Variants in CACNA2D2 observed in about 807,000 individuals in gnomAD.
The protein encoded by CACNA2D2 is voltage-dependent calcium channel subunit alpha-2/delta-2.
CACNA2D2 carries 48 observed loss-of-function variants against 166.4 expected under a neutral mutation model. The ratio of observed to expected loss-of-function variants is 0.29; its 90% CI spans 0.23 to 0.37. The LOEUF is 0.37. CACNA2D2 is among the 10% of genes least tolerant of loss of function. The probability of loss-of-function intolerance (pLI) is 1.00; values close to 1 mark genes in which losing one functional copy is unlikely to be tolerated. For synonymous variants in CACNA2D2, 561 were observed against 573.7 expected (o/e 0.98, Z 0.32); for missense variants, 1,122 against 1,433.0 (o/e 0.78, Z 3.50).
In CACNA2D2 at chr3:50,394,179, G is replaced by A. The variant is rs1475702338; in HGVS notation, c.406-11C>T. 6.2e-7 allele frequency: 1 copy of A among 1,613,490 alleles called. No individual in the cohort carries two copies. Among genetic ancestry groups the A allele is most frequent in the East Asian group, 2.2e-5 (1 of 44,878 alleles). On this transcript the variant is annotated splice_polypyrimidine_tract_variant and intron_variant, in intron 3 of 37. Coordinates refer to ENST00000424201, the MANE Select transcript of CACNA2D2 (RefSeq NM_006030.4). Reference sequence around the variant, plus strand: ...AGCATCAGCCAGTCTCTGAGGGACAGAGCACAGGGAGGTCAGAAGCGGAGG... The same window carrying A: ...AGCATCAGCCAGTCTCTGAGGGACAAAGCACAGGGAGGTCAGAAGCGGAGG...
Position 50,378,027 on chromosome 3 carries a change from T to C in CACNA2D2, c.1460A>G (p.Asn487Ser), listed in dbSNP as rs757932137. Residue 487 changes from asparagine (N) to serine (S), a missense_variant, in exon 15 of 38, where the codon AAC becomes AGC. Coordinates refer to ENST00000424201, the MANE Select transcript of CACNA2D2 (RefSeq NM_006030.4). ...GKEAKQVQWT[N>S]VYEDALGLGL... is the part of the protein sequence containing the mutation. ...CCTTACCAGTGCATCCTCATACACG[T>C]TGGTCCACTGCACCTGCTTGGCCTC... The C allele has an allele frequency of 6.2e-6, 10 of 1,613,694 alleles. No homozygotes were observed. Among genetic ancestry groups the C allele is most frequent in the East Asian group, 2.2e-5 (1 of 44,888 alleles).
At chr3:50,434,008 G>C (rs1559943448) in intron 3 of CACNA2D2, among the ~76,000 whole-genome samples, 2 of 152,202 alleles carry the variant, frequency 1.3e-5, no homozygotes, top group South Asian at 2.1e-4. Context: ...TGGGGACCCA[G>C]AGGGATGGGA....
chr3:50,472,857 C>T (rs994076621), intron 2 of CACNA2D2, among the ~76,000 whole-genome samples: 4 of 152,176 alleles, frequency 2.6e-5, no homozygotes, highest in African/African-American at 4.8e-5. Flanking sequence ...CAAGCATATG[C>T]ACTCTATTCT....
rs375406718 is a variant in CACNA2D2, at chr3:50,375,752, C to T, written c.1846-47G>A. 1.4e-5 allele frequency: 22 copies of T among 1,612,616 alleles called. 1 individual carries two copies. The highest frequency in any genetic ancestry group is 9.9e-5 in the South Asian group (9 of 91,084). Reference sequence around the variant, plus strand: ...GGTACTTGGGCTAGCAGGCAGGGGGCGCTGGGGTAGAAGGGTGCCCACCCT... The same window carrying T: ...GGTACTTGGGCTAGCAGGCAGGGGGTGCTGGGGTAGAAGGGTGCCCACCCT... On this transcript the variant is annotated intron_variant, in intron 20 of 37. Coordinates refer to ENST00000424201, the MANE Select transcript of CACNA2D2 (RefSeq NM_006030.4). This position sits in a 1 kb window ranked among gnomAD's most constrained non-coding sequence, Gnocchi z 4.0.
chr3:50,456,262 G>C (rs1165209387), intron 2 of CACNA2D2, among the ~76,000 whole-genome samples: 1 of 152,222 alleles, frequency 6.6e-6, no homozygotes, highest in African/African-American at 2.4e-5. Context: ...CCTAGCCTGA[G>C]TTCTGGTTGG....
At chr3:50,401,301 G>C (rs1400141888) in intron 3 of CACNA2D2, among the ~76,000 whole-genome samples, 1 of 152,100 alleles carries the variant, frequency 6.6e-6, no homozygotes, top group Non-Finnish European at 1.5e-5. Context: ...CATGTAACAG[G>C]GAAAAACTCA....
intron 2 of CACNA2D2, among the ~76,000 whole-genome samples, chr3:50,467,510 T>C (rs1335546767): frequency 6.6e-6 from 1 of 152,144 alleles, no homozygotes; most frequent in Non-Finnish European, 1.5e-5. Flanking sequence ...GGGCACCTCC[T>C]CCATGTCAGC....
At chr3:50,387,947 G>C (rs777339418) in intron 4 of CACNA2D2, among the ~76,000 whole-genome samples, 1 of 152,232 alleles carries the variant, frequency 6.6e-6, no homozygotes, top group South Asian at 2.1e-4. Flanking sequence ...ACCAGGGAGT[G>C]AGGAAGACGG....
intron 3 of CACNA2D2, among the ~76,000 whole-genome samples, chr3:50,411,084 C>G (rs2236962): frequency 0.15 from 22,535 of 152,134 alleles, 2,413 homozygotes; most frequent in East Asian, 0.41. Flanking sequence ...TGGGGTGGCT[C>G]ACTGGGCTGT....
intron 1 of CACNA2D2, among the ~76,000 whole-genome samples, chr3:50,499,285 G>A (rs192451204): frequency 6.6e-6 from 1 of 152,304 alleles, no homozygotes; most frequent in East Asian, 1.9e-4. Flanking sequence ...GAGCAAAGTA[G>A]AGAGACAGGC....
At chr3:50,493,852 C>T (rs1429030148) in intron 1 of CACNA2D2, among the ~76,000 whole-genome samples, 1 of 152,176 alleles carries the variant, frequency 6.6e-6, no homozygotes, top group East Asian at 1.9e-4. Flanking sequence ...TGCCCCAGGG[C>T]CCTGGGCGAA....
intron 3 of CACNA2D2, among the ~76,000 whole-genome samples, chr3:50,412,653 C>CAGCT (rs1201416277): frequency 2.0e-5 from 3 of 152,168 alleles, no homozygotes; most frequent in Non-Finnish European, 4.4e-5. Context: ...AGGCTTGATG[C>CAGCT]AGCTGCTGCT....
intron 4 of CACNA2D2, among the ~76,000 whole-genome samples, chr3:50,388,745 G>T (rs1705733709): frequency 6.6e-6 from 1 of 152,230 alleles, no homozygotes; most frequent in African/African-American, 2.4e-5. Flanking sequence ...AAGGGGCCTG[G>T]CTGTGGTGAC....
intron 6 of CACNA2D2, among the ~76,000 whole-genome samples, chr3:50,383,985 A>G (rs1417972925): frequency 6.6e-6 from 1 of 152,224 alleles, no homozygotes; most frequent in African/African-American, 2.4e-5. Flanking sequence ...GTGTTTTGCA[A>G]CTTGCTGAGT....
intron 1 of CACNA2D2, among the ~76,000 whole-genome samples, chr3:50,500,728 G>A (rs1020723778): frequency 2.6e-5 from 4 of 151,882 alleles, no homozygotes; most frequent in Non-Finnish European, 4.4e-5. Flanking sequence ...TCCAGGTCCA[G>A]GTAAGGTGAG....
intron 3 of CACNA2D2, among the ~76,000 whole-genome samples, chr3:50,409,966 C>T (rs934464129): frequency 1.3e-5 from 2 of 152,200 alleles, no homozygotes; most frequent in African/African-American, 2.4e-5. Flanking sequence ...TTTCCCAGAG[C>T]ATAGACTGAG....
At chr3:50,482,731 T>C (rs1394985346) in intron 1 of CACNA2D2, among the ~76,000 whole-genome samples, 1 of 152,234 alleles carries the variant, frequency 6.6e-6, no homozygotes, top group Non-Finnish European at 1.5e-5. Flanking sequence ...CTCTCTGCAC[T>C]GCCCCCAGAG....
At chr3:50,453,479 T>C (rs1361425052) in intron 2 of CACNA2D2, among the ~76,000 whole-genome samples, 1 of 152,194 alleles carries the variant, frequency 6.6e-6, no homozygotes, top group Non-Finnish European at 1.5e-5. Context: ...CGGGGGTGGC[T>C]GGACTTCCAG....
intron 23 of CACNA2D2, 144 bp downstream of exon 23, chr3:50,370,176 C>G: frequency 1.5e-6 from 1 of 666,726 alleles, no homozygotes; most frequent in African/African-American, 1.8e-5. Context: ...TGCACACAGC[C>G]GCGCATACCG....
Sources: gnomAD v4.1 joint callset for allele counts (sites outside exome capture counted in the v4.1 genomes callset) on GRCh38, gnomAD v4.1.1 for gene constraint, Gnocchi (gnomAD v3.1) non-coding constraint, MANE v1.5 for transcripts, NCBI Gene and HGNC (gene_info 2026-07-23, HGNC 2026-07-21) for gene names.